Variants in PCDHA5 observed in about 807,000 individuals in gnomAD.
PCDHA5 encodes protocadherin alpha-5.
Under a neutral mutation model 61.6 loss-of-function variants are expected in PCDHA5, and 43 were observed. The observed-to-expected ratio is 0.70, with a 90% CI of 0.55 to 0.90. The LOEUF (loss-of-function observed/expected upper bound fraction) is 0.90, where lower values mean the gene tolerates loss of function less well. Ranked by LOEUF, PCDHA5 falls within the 40% of genes least tolerant of loss-of-function variation. The pLI is 0.00. For synonymous variants in PCDHA5, 627 were observed against 543.9 expected, an observed-to-expected ratio of 1.15 and a Z score of -2.13; for missense variants, 1,298 against 1,222.7, an observed-to-expected ratio of 1.06 and a Z score of -0.92.
chr5:140,894,971 G>A (rs1231249838), intron 1 of PCDHA5, among the ~76,000 whole-genome samples: 1 of 152,010 alleles, frequency 6.6e-6, no homozygotes, highest in African/African-American at 2.4e-5. Context: ...ATTTTTTAAT[G>A]TCTTACTTTG....
At chr5:140,830,276 G>T (rs782590903) in intron 1 of PCDHA5, 2 of 1,613,712 alleles carry the variant, frequency 1.2e-6, no homozygotes, top group Non-Finnish European at 1.7e-6. Context: ...GCCACCCACC[G>T]AGGGCGCGTG....
chr5:140,974,182 A>G (rs2096618692), intron 1 of PCDHA5, among the ~76,000 whole-genome samples: 1 of 152,248 alleles, frequency 6.6e-6, no homozygotes, highest in Non-Finnish European at 1.5e-5. Context: ...AACTTGACAA[A>G]TGCAAAGGAA....
chr5:140,997,984 A>G (rs1004761154), intron 3 of PCDHA5, among the ~76,000 whole-genome samples: 4 of 152,188 alleles, frequency 2.6e-5, no homozygotes, highest in Admixed American at 2.6e-4. Context: ...TGCACTTGTT[A>G]CATACTTCCC....
At chr5:140,886,680 G>A (rs1554182653) in intron 1 of PCDHA5, among the ~76,000 whole-genome samples, 1 of 151,946 alleles carries the variant, frequency 6.6e-6, no homozygotes, top group Non-Finnish European at 1.5e-5. Flanking sequence ...ACAAAAATTA[G>A]CGAGGCATGG....
intron 1 of PCDHA5, among the ~76,000 whole-genome samples, chr5:140,974,875 A>G (rs934874769): frequency 1.6e-4 from 24 of 152,174 alleles, no homozygotes; most frequent in Non-Finnish European, 1.9e-4. Context: ...GGAACAGTCT[A>G]TGTATCCCTT....
chr5:140,824,958 T>C (rs2150072041), intron 1 of PCDHA5: 1 of 152,280 alleles, frequency 6.6e-6, no homozygotes, highest in African/African-American at 2.4e-5. Context: ...AATTATATTT[T>C]TCATTTTATT....
At chr5:140,986,163 G>A (rs1186387690) in intron 3 of PCDHA5, among the ~76,000 whole-genome samples, 1 of 152,212 alleles carries the variant, frequency 6.6e-6, no homozygotes, top group African/African-American at 2.4e-5. Flanking sequence ...AATGTTTTCT[G>A]CAGGATAAAC....
chr5:141,009,717 A>C lies in PCDHA5; in HGVS notation c.2591A>C (p.Gln864Pro). Residue 864 changes from glutamine to proline, a missense_variant, in exon 4 of 4, where the codon CAA becomes CCA. Coordinates refer to ENST00000529859, the MANE Select transcript of PCDHA5 (RefSeq NM_018908.3). ...AAATACGGACCAGGCAACCCCAAAC[A>C]ATCCGGTCCCGGTGAGTTGCCCGAC... ...TFKYGPGNPK[Q>P]SGPGELPDKF... is the part of the protein sequence containing the mutation. 4 of 1,614,058 alleles carry C rather than the reference A, an allele frequency of 2.5e-6. No homozygotes were observed. The highest frequency in any genetic ancestry group is 3.4e-6 in the Non-Finnish European group (4 of 1,180,004).
At chr5:140,866,639 A>G (rs782198143) in intron 1 of PCDHA5, 1 of 152,148 alleles carries the variant, frequency 6.6e-6, no homozygotes, top group Non-Finnish European at 1.5e-5. Flanking sequence ...CAACGGTGTC[A>G]AAATTTATTT....
chr5:140,821,787 C>T lies in PCDHA5; in HGVS notation c.12C>T (p.Ser4=). Residue 4 remains serine, a synonymous_variant, in exon 1 of 4, where the codon TCC becomes TCT. Transcript: ENST00000529859. MVY[S]RRGSLGSRLL... ...GGAACGAGATTGAGATGGTATATTCCCGGAGAGGAAGTCTGGGATCCCGGC... is the reference window on the plus strand; with the variant it reads ...GGAACGAGATTGAGATGGTATATTCTCGGAGAGGAAGTCTGGGATCCCGGC... 1.2e-6 allele frequency: 2 copies of T among 1,611,374 alleles called. No homozygotes were observed. The highest frequency in any genetic ancestry group is 4.5e-5 in the East Asian group (2 of 44,878).
chr5:140,904,134 C>T (rs1583515585), intron 1 of PCDHA5, among the ~76,000 whole-genome samples: 2 of 152,002 alleles, frequency 1.3e-5, no homozygotes, highest in Admixed American at 6.6e-5. Flanking sequence ...ACCCATCACC[C>T]GAGCAGTATA....
intron 1 of PCDHA5, chr5:140,836,768 A>AT: frequency 5.1e-6 from 8 of 1,555,112 alleles, no homozygotes; most frequent in Non-Finnish European, 7.0e-6. Context: ...GTTTCCAACA[A>AT]TTTTAAAACA....
Position 140,883,224 on chromosome 5 carries a change from C to A in PCDHA5, c.2352+59097C>A, listed in dbSNP as rs782659730. The stretch of plus-strand genomic sequence containing the variant: ...GAAGAAAAGAAATTATATGAAATAT[C>A]CGTGGAGGCAGTTGACAAAGGAAAT... On this transcript the variant is annotated intron_variant, in intron 1 of 3. Transcript: ENST00000529859. The A allele has an allele frequency of 1.2e-5, 20 of 1,613,828 alleles. 2 individuals carry two copies. In the South Asian group the frequency reaches 2.2e-4, roughly 18 times the overall value.
In PCDHA5 at chr5:140,856,327, G is replaced by A; in HGVS notation, c.2352+32200G>A. On this transcript the variant is annotated intron_variant, in intron 1 of 3. Transcript: ENST00000529859. ...TGAATTCTCGGATTGACCGCGAGGAGCTGTGCGGGCGGAGCGTGGAGTGCA... is the reference window on the plus strand; with the variant it reads ...TGAATTCTCGGATTGACCGCGAGGAACTGTGCGGGCGGAGCGTGGAGTGCA... The A allele has an allele frequency of 1.4e-5, 22 of 1,598,708 alleles. 1 individual carries two copies. Among genetic ancestry groups the A allele is most frequent in the South Asian group, 3.3e-5 (3 of 90,534 alleles).
chr5:140,824,904 GT>G (rs1353981890), intron 1 of PCDHA5: 6 of 152,018 alleles, frequency 3.9e-5, no homozygotes, highest in Non-Finnish European at 7.4e-5. Flanking sequence ...TGCCTAAGCA[GT>G]TCACCTGTAT....
At chr5:140,884,341 G>C in intron 1 of PCDHA5, 2 of 1,613,910 alleles carry the variant, frequency 1.2e-6, no homozygotes, top group Non-Finnish European at 1.7e-6. Context: ...GTCCAGAAGC[G>C]GCGCTGGTGG....
At chr5:140,891,285 G>T (rs1402021884) in intron 1 of PCDHA5, among the ~76,000 whole-genome samples, 1 of 152,102 alleles carries the variant, frequency 6.6e-6, no homozygotes, top group South Asian at 2.1e-4. Flanking sequence ...GTTATTGGGG[G>T]TACAGGTGGT....
chr5:140,964,472 T>A (rs1160731930), intron 1 of PCDHA5, among the ~76,000 whole-genome samples: 1 of 152,074 alleles, frequency 6.6e-6, no homozygotes, highest in Non-Finnish European at 1.5e-5. Context: ...GTGCCTATGA[T>A]TTTTTCACAG....
chr5:140,890,192 T>G (rs2062533503), intron 1 of PCDHA5, among the ~76,000 whole-genome samples: 1 of 151,744 alleles, frequency 6.6e-6, no homozygotes, highest in South Asian at 2.1e-4. Flanking sequence ...CAAAACAGAG[T>G]TTTTTGTTTT....
Sources: gnomAD v4.1 joint callset for allele counts (sites outside exome capture counted in the v4.1 genomes callset) on GRCh38, gnomAD v4.1.1 for gene constraint, MANE v1.5 for transcripts, NCBI Gene and HGNC (gene_info 2026-07-23, HGNC 2026-07-21) for gene names.